Variants in NCKAP5L observed in about 807,000 individuals in gnomAD.
NCKAP5L encodes NCK associated protein 5 like.
In NCKAP5L, 54 loss-of-function variants were observed where a neutral mutation model predicts 103.2. The observed-to-expected ratio is 0.52, with a 90% confidence interval of 0.42 to 0.66. The LOEUF (loss-of-function observed/expected upper bound fraction) is 0.66, where lower values mean the gene tolerates loss of function less well. Among genes scored for constraint, NCKAP5L ranks in the 30% least tolerant of loss-of-function variants. The pLI, the probability that NCKAP5L is intolerant of heterozygous loss-of-function variation, is 0.00. For missense variants in NCKAP5L, 1,733 were observed against 1,750.6 expected, an observed-to-expected ratio of 0.99 and a Z score of 0.18; for synonymous variants, 762 against 748.6, an observed-to-expected ratio of 1.02 and a Z score of -0.29.
At chr12:49,825,695 T>TA (rs1478132085) in intron 1 of NCKAP5L, among the ~76,000 whole-genome samples, 3 of 152,042 alleles carry the variant, frequency 2.0e-5, no homozygotes, top group African/African-American at 7.2e-5. Flanking sequence ...GGATTTAACC[T>TA]AAACACCTCC....
At chr12:49,820,527 G>A (rs2137040061) in intron 1 of NCKAP5L, among the ~76,000 whole-genome samples, 1 of 152,238 alleles carries the variant, frequency 6.6e-6, no homozygotes, top group East Asian at 1.9e-4. Flanking sequence ...GTGTTAGCCA[G>A]GATGGTCTCG....
intron 2 of NCKAP5L, chr12:49,804,806 G>T (rs959513267): frequency 2.0e-5 from 3 of 152,276 alleles, no homozygotes; most frequent in Non-Finnish European, 2.9e-5. Flanking sequence ...ACCACGTAGG[G>T]AAGAGCACCC....
At chr12:49,800,040 A>G (rs1344145940) in intron 6 of NCKAP5L, among the ~76,000 whole-genome samples, 2 of 152,206 alleles carry the variant, frequency 1.3e-5, no homozygotes, top group African/African-American at 4.8e-5. Flanking sequence ...TACTAAAAAT[A>G]GAAAATTAGC....
intron 1 of NCKAP5L, among the ~76,000 whole-genome samples, chr12:49,826,393 CAGCAGG>C (rs1239004437): frequency 6.6e-6 from 1 of 152,178 alleles, no homozygotes; most frequent in African/African-American, 2.4e-5. Flanking sequence ...AAACCCAAGC[CAGCAGG>C]AGCAGGAGTT....
Position 49,804,098 on chromosome 12 carries a change from G to A in NCKAP5L, c.-36-18C>T. 1 of 1,595,634 alleles carries A rather than the reference G, an allele frequency of 6.3e-7. No individual in the cohort carries two copies. The highest frequency in any genetic ancestry group is 8.5e-7 in the Non-Finnish European group (1 of 1,176,798). On this transcript the variant is annotated intron_variant, in intron 2 of 12. Transcript: ENST00000335999. ...CCGGCAGGCTACTCCAGGGAATGAG[G>A]AGGAAGTGAGAAGGAGGAGGACAAA...
At chr12:49,801,777 A>C in intron 6 of NCKAP5L, 71 bp downstream of exon 6, 1 of 1,583,938 alleles carries the variant, frequency 6.3e-7, no homozygotes. Flanking sequence ...GTGAGAAGAC[A>C]GTGATGGGGC....
chr12:49,802,542 T>C, intron 5 of NCKAP5L: 1 of 178,400 alleles, frequency 5.6e-6, no homozygotes, highest in Non-Finnish European at 1.2e-5. Context: ...CCACCGCGCC[T>C]GGCCCTCTGC....
rs375457127 is a variant in NCKAP5L at position 49,791,897 on chromosome 12, G to C, written c.3947C>G (p.Ser1316Trp). ...ASGGPPGLET[S>W]ESLSDSLYDS... is the part of the protein sequence containing the mutation. ...GTAGAGTGAGTCACTGAGAGACTCC[G>C]AGGTCTCCAGCCCTGGGGGGCCCCC... Residue 1316 changes from serine (S) to tryptophan (W), a missense_variant, in exon 13 of 13, where the codon TCG (serine) becomes TGG (tryptophan). By Grantham distance (177) the Ser-to-Trp change is radical (BLOSUM62 -3). Transcript: ENST00000335999. 32 of 1,612,328 alleles carry C rather than the reference G, an allele frequency of 2.0e-5. No individual in the cohort carries two copies. The highest frequency in any genetic ancestry group is 2.6e-5 in the Non-Finnish European group (31 of 1,179,472).
At chr12:49,813,137 T>C (rs1423016012) in intron 1 of NCKAP5L, among the ~76,000 whole-genome samples, 1 of 152,240 alleles carries the variant, frequency 6.6e-6, no homozygotes, top group African/African-American at 2.4e-5. Context: ...TATAGATGTA[T>C]GTTTTCCTTT....
rs370164532 is a variant in NCKAP5L at position 49,806,928 on chromosome 12, A to G, written c.-98-887T>C. Among the ~76,000 whole-genome samples the G allele has an allele frequency of 4.7e-4, 71 of 152,362 alleles. 1 individual carries two copies. In the South Asian group the frequency reaches 0.014, roughly 31 times the overall value. ...TGAATTCCATAAATGGAGACTTTTC[A>G]TATCATCACCTGCTGACAGAGGCAC... On this transcript the variant is annotated intron_variant, in intron 1 of 12. Coordinates refer to ENST00000335999, the MANE Select transcript of NCKAP5L (RefSeq NM_001037806.4).
rs1037553324 is a variant in NCKAP5L, at chr12:49,796,423, C to T, written c.1437G>A (p.Gln479=). 1 of 1,562,974 alleles carries T rather than the reference C, an allele frequency of 6.4e-7. No homozygotes were observed. The highest frequency in any genetic ancestry group is 8.6e-7 in the Non-Finnish European group (1 of 1,157,034). The change falls in exon 8 of 13, where the codon CAG becomes CAA. Residue 479 remains glutamine, a synonymous_variant. Coordinates refer to ENST00000335999, the MANE Select transcript of NCKAP5L (RefSeq NM_001037806.4). ...PSPGGPQLSP[Q]LPRNSRIPCR... Reference sequence around the variant, plus strand: ...AGGGGATTCGCGAGTTCCGGGGGAGCTGGGGACTGAGCTGCGGGCCTCCTG... The same window carrying T: ...AGGGGATTCGCGAGTTCCGGGGGAGTTGGGGACTGAGCTGCGGGCCTCCTG...
intron 1 of NCKAP5L, among the ~76,000 whole-genome samples, chr12:49,809,551 C>A (rs1023811451): frequency 1.3e-5 from 2 of 152,110 alleles, no homozygotes; most frequent in African/African-American, 4.8e-5. Context: ...CCCGTAACAC[C>A]AACCGCTTCC....
intron 1 of NCKAP5L, among the ~76,000 whole-genome samples, chr12:49,821,779 A>G (rs1168571369): frequency 6.6e-6 from 1 of 152,214 alleles, no homozygotes; most frequent in African/African-American, 2.4e-5. Flanking sequence ...ATTCTAAATA[A>G]TCTGCTGGCT....
chr12:49,795,874 C>T lies in NCKAP5L; in HGVS notation c.1986G>A (p.Arg662=), dbSNP rs1592748128. Residue 662 remains arginine, a synonymous_variant, in exon 8 of 13, where the codon CGG becomes CGA. Transcript: ENST00000335999. ...RPGDPGSTPL[R]DRLAALGKLK... ...GCTTCCCCAGGGCCGCCAGTCTGTCCCGCAGAGGTGTGCTGCCAGGATCCC... is the reference window on the plus strand; with the variant it reads ...GCTTCCCCAGGGCCGCCAGTCTGTCTCGCAGAGGTGTGCTGCCAGGATCCC... 2 of 1,556,970 alleles carry T rather than the reference C, an allele frequency of 1.3e-6. No homozygotes were observed. Among genetic ancestry groups the T allele is most frequent in the East Asian group, 4.7e-5 (2 of 42,740 alleles).
intron 6 of NCKAP5L, among the ~76,000 whole-genome samples, chr12:49,800,844 C>G (rs987914650): frequency 2.0e-5 from 3 of 152,236 alleles, no homozygotes; most frequent in Admixed American, 1.3e-4. Flanking sequence ...TAAGGACACT[C>G]GACCCCTCTG....
chr12:49,803,794 C>G, intron 3 of NCKAP5L, 128 bp downstream of exon 3: 1 of 1,273,818 alleles, frequency 7.9e-7, no homozygotes, highest in Non-Finnish European at 1.1e-6. Context: ...AGCCTCCTGC[C>G]TGGCAAAGCA....
At chr12:49,794,211 T>C (rs560327522) in intron 8 of NCKAP5L, among the ~76,000 whole-genome samples, 143 of 152,266 alleles carry the variant, frequency 9.4e-4, no homozygotes, top group African/African-American at 3.4e-3. Flanking sequence ...TCCTGGTCCA[T>C]GAACGACACA....
intron 8 of NCKAP5L, among the ~76,000 whole-genome samples, chr12:49,794,283 G>A (rs1185241603): frequency 2.0e-5 from 3 of 152,136 alleles, no homozygotes; most frequent in Non-Finnish European, 4.4e-5. Context: ...ACCCTACCTG[G>A]GGCCCAATTC....
At chr12:49,816,418 T>C (rs1201245679) in intron 1 of NCKAP5L, among the ~76,000 whole-genome samples, 7 of 137,456 alleles carry the variant, frequency 5.1e-5, no homozygotes, top group South Asian at 4.6e-4. Context: ...TTAGGGCCCA[T>C]AGGACAAACC....
Sources: allele counts gnomAD v4.1 joint callset (sites outside exome capture counted in the v4.1 genomes callset), GRCh38; gene constraint gnomAD v4.1.1; transcripts MANE v1.5; gene names NCBI Gene and HGNC (gene_info 2026-07-23, HGNC 2026-07-21).